The following TTF1 variants were observed in gnomAD, a reference collection of about 807,000 sequenced individuals.
The protein encoded by TTF1 is transcription termination factor 1.
In TTF1, 64 loss-of-function variants were observed where a neutral mutation model predicts 80.2. The observed-to-expected ratio is 0.80, with a 90% CI of 0.65 to 0.98. The LOEUF is 0.98. TTF1 is among the 50% of genes least tolerant of loss of function. The probability of loss-of-function intolerance (pLI) is 0.00; values close to 1 mark genes in which losing one functional copy is unlikely to be tolerated. For missense variants in TTF1, 1,023 were observed against 1,086.2 expected, an observed-to-expected ratio of 0.94 and a Z score of 0.82; for synonymous variants, 372 against 382.7, an observed-to-expected ratio of 0.97 and a Z score of 0.33.
In TTF1 at chr9:132,386,540, A is replaced by C. The variant is rs1849471637; in HGVS notation, c.2378+16T>G. 6.3e-7 allele frequency: 1 copy of C among 1,589,234 alleles called. No individual in the cohort carries two copies. Among genetic ancestry groups the C allele is most frequent in the Non-Finnish European group, 8.6e-7 (1 of 1,160,524 alleles). On this transcript the variant is annotated intron_variant, in intron 9 of 10. Coordinates refer to ENST00000334270, the MANE Select transcript of TTF1 (RefSeq NM_007344.4). The stretch of plus-strand genomic sequence containing the variant: ...TCTATATTTTAATTAGTTTAATATT[A>C]AACAAATGGTCTTACCCTATGGCAC...
intron 9 of TTF1, among the ~76,000 whole-genome samples, chr9:132,383,088 TA>T (rs1192303225): frequency 6.8e-5 from 10 of 146,452 alleles, no homozygotes; most frequent in Non-Finnish European, 3.0e-5. Context: ...ATTAACTAAT[TA>T]AAAAAAAAAC....
chr9:132,404,986 C>T (rs926212929), intron 1 of TTF1, among the ~76,000 whole-genome samples: 13 of 146,510 alleles, frequency 8.9e-5, no homozygotes, highest in East Asian at 8.2e-4. Context: ...CCCGGGTTCA[C>T]GCCATTCTCC....
At chr9:132,377,580 TGTGTGTGAGTGCATGTG>T (rs1220308516) in intron 10 of TTF1, among the ~76,000 whole-genome samples, 1 of 23,510 alleles carries the variant, frequency 4.3e-5, no homozygotes, top group Non-Finnish European at 9.9e-5. Context: ...GTGCATGTGG[TGTGTGTGAGTGCATGTG>T]GTGTGTGTGT....
At position 132,378,087 on chromosome 9, in the gene TTF1, A is replaced by G. The variant is rs560015993; in HGVS notation, c.2464+972T>C. On this transcript the variant is annotated intron_variant, in intron 10 of 10. Transcript: ENST00000334270. ...GAGTGCATGTGGTGTGTGTGAGTGC[A>G]TGTGGTGTGAGTGCATGTGGTGTGT... is the stretch of plus-strand genomic sequence containing the variant. Among the ~76,000 whole-genome samples the G allele has an allele frequency of 3.5e-3, 333 of 95,252 alleles. 7 individuals carry two copies. Among genetic ancestry groups the G allele is most frequent in the African/African-American group, 0.013 (305 of 23,374 alleles). 62.5% of individuals were successfully genotyped at this position (95,252 alleles called of 152,430 possible).
At chr9:132,391,377 C>T (rs551926089) in intron 6 of TTF1, among the ~76,000 whole-genome samples, 4 of 146,172 alleles carry the variant, frequency 2.7e-5, no homozygotes, top group African/African-American at 1.0e-4. Flanking sequence ...GAGCGTCACA[C>T]TGGCAGCTGT....
chr9:132,400,612 C>G (rs1427859011), intron 2 of TTF1, among the ~76,000 whole-genome samples: 3 of 152,204 alleles, frequency 2.0e-5, no homozygotes, highest in African/African-American at 7.2e-5. Flanking sequence ...CATGAGCCAC[C>G]ACGCCTGGCC....
chr9:132,377,680 A>ATGTGGTGTGTGAG (rs1849241271), intron 10 of TTF1, among the ~76,000 whole-genome samples: 3 of 6,976 alleles, frequency 4.3e-4, no homozygotes, highest in African/African-American at 9.5e-4. Flanking sequence ...TGGTGTGTGA[A>ATGTGGTGTGTGAG]TGCATGTGGT....
intron 6 of TTF1, among the ~76,000 whole-genome samples, chr9:132,391,351 G>T (rs1256132831): frequency 6.6e-6 from 1 of 152,098 alleles, no homozygotes; most frequent in Admixed American, 6.6e-5. Flanking sequence ...AGACATTCAC[G>T]GTCACGCTAA....
At chr9:132,400,483 C>T (rs772005222) in intron 2 of TTF1, among the ~76,000 whole-genome samples, 36 of 152,000 alleles carry the variant, frequency 2.4e-4, no homozygotes, top group African/African-American at 7.3e-4. Flanking sequence ...CCACCACGCC[C>T]GGCTAACTTT....
At chr9:132,381,364 T>C (rs563924441) in intron 9 of TTF1, among the ~76,000 whole-genome samples, 1 of 152,062 alleles carries the variant, frequency 6.6e-6, no homozygotes, top group Non-Finnish European at 1.5e-5. Context: ...CTAATTTTTG[T>C]ATTTTAGTAG....
Position 132,401,816 on chromosome 9 carries a change from T to G in TTF1, c.1006A>C (p.Lys336Gln). Residue 336 changes from lysine (K) to glutamine (Q), a missense_variant, in exon 2 of 11, where the codon AAG becomes CAG. Lys to Gln is a moderately conservative substitution (Grantham distance 53). Coordinates refer to ENST00000334270, the MANE Select transcript of TTF1 (RefSeq NM_007344.4). ...AATTCCTGGTGATTGGACTTTTTCT[T>G]TTTTTTCTTAGACTTGTTTTTATAA... The part of the protein sequence containing the change: ...PAYKNKSKKK[K>Q]KKSNHQEFEA... 1 of 1,614,102 alleles carries G rather than the reference T, an allele frequency of 6.2e-7. No homozygotes were observed. Among genetic ancestry groups the G allele is most frequent in the Non-Finnish European group, 8.5e-7 (1 of 1,180,034 alleles).
intron 9 of TTF1, among the ~76,000 whole-genome samples, chr9:132,383,041 G>C (rs1001515283): frequency 1.7e-4 from 25 of 145,498 alleles, no homozygotes; most frequent in African/African-American, 5.4e-4. Flanking sequence ...CTCCAGCCTG[G>C]GCAACAAGAG....
chr9:132,396,641 G>A (rs942825085), intron 4 of TTF1, 130 bp from the exon 5 acceptor site: 8 of 717,552 alleles, frequency 1.1e-5, no homozygotes, highest in East Asian at 5.3e-5. Context: ...GATTTCCTAC[G>A]TCCTGAAGAA....
chr9:132,378,629 T>TGTGTGTGAATGCATG lies in TTF1; in HGVS notation c.2464+429_2464+430insCATGCATTCACACAC, dbSNP rs1203655330. On this transcript the variant is annotated intron_variant, in intron 10 of 10. Transcript: ENST00000334270. ...GTGCATGTGGTGTGAGTGCATGTGGTTGGTGTGAGTGCATGTGGTGTGAGT... is the reference window on the plus strand; with the variant it reads ...GTGCATGTGGTGTGAGTGCATGTGGTGTGTGTGAATGCATGTGGTGTGAGTGCATGTGGTGTGAGT... Among the ~76,000 whole-genome samples the TGTGTGTGAATGCATG allele has an allele frequency of 4.1e-5, 5 of 122,080 alleles. 1 individual carries two copies. In the South Asian group the frequency reaches 1.4e-3, roughly 33 times the overall value. The allele number at this position is 122,080 out of a possible 152,430, so 80.1% of individuals were successfully genotyped here. A position where few individuals can be genotyped will look rare whatever the true frequency, so the allele number is the denominator to read the frequency against.
At position 132,384,187 on chromosome 9, in the gene TTF1, T is replaced by C. The variant is rs1365460595; in HGVS notation, c.2378+2369A>G. The stretch of plus-strand genomic sequence containing the variant: ...GGTACATGAAGCTTCATTTATTTTG[T>C]ATCTGTCTAAAATTTTCCTAATAAA... On this transcript the variant is annotated intron_variant, in intron 9 of 10. Coordinates refer to ENST00000334270, the MANE Select transcript of TTF1 (RefSeq NM_007344.4). The surrounding 1 kb of genome is among the most constrained non-coding windows in gnomAD (Gnocchi z 4.1). Among the ~76,000 whole-genome samples, 1 of 152,208 alleles carries C rather than the reference T, an allele frequency of 6.6e-6. No homozygotes were observed. The highest frequency in any genetic ancestry group is 1.5e-5 in the Non-Finnish European group (1 of 68,038).
Position 132,386,598 on chromosome 9 carries a change from T to C in TTF1, c.2336A>G (p.Asp779Gly). The C allele has an allele frequency of 3.1e-6, 5 of 1,612,958 alleles. No homozygotes were observed. The highest frequency in any genetic ancestry group is 4.2e-6 in the Non-Finnish European group (5 of 1,179,006). ...ATCTTCCCAGTCTATTTCATTAGTA[T>C]CTTCCACATTTATTTCATACAACCT... is the stretch of plus-strand genomic sequence containing the variant. ...IERLYEINVE[D>G]TNEIDWEDLA... The change falls in exon 9 of 11, where the codon GAT (aspartate) becomes GGT (glycine). Residue 779 changes from aspartate to glycine, a missense_variant. Physicochemically the swap from Asp to Gly is moderately conservative, Grantham distance 94. Transcript: ENST00000334270.
chr9:132,376,449 G>C (rs1440951879), intron 10 of TTF1, among the ~76,000 whole-genome samples: 1 of 152,156 alleles, frequency 6.6e-6, no homozygotes, highest in Non-Finnish European at 1.5e-5. Flanking sequence ...TCAAACTCGG[G>C]TAGTGATGTC....
chr9:132,394,099 A>C (rs1369329137), intron 5 of TTF1, among the ~76,000 whole-genome samples: 2 of 151,348 alleles, frequency 1.3e-5, no homozygotes, highest in East Asian at 2.0e-4. Context: ...TTTTTTGTAG[A>C]GCCACGTTGC....
chr9:132,386,834 T>G (rs1333023889), intron 8 of TTF1, among the ~76,000 whole-genome samples: 1 of 152,202 alleles, frequency 6.6e-6, no homozygotes. Flanking sequence ...AAAAGACCTC[T>G]TTCCTCTTTC....
Sources: allele counts gnomAD v4.1 joint callset (sites outside exome capture counted in the v4.1 genomes callset), GRCh38; gene constraint gnomAD v4.1.1; non-coding constraint Gnocchi (gnomAD v3.1); transcripts MANE v1.5; gene names NCBI Gene and HGNC (gene_info 2026-07-23, HGNC 2026-07-21).